Variants in CCDC25 observed in about 807,000 individuals in gnomAD.
The protein encoded by CCDC25 is coiled-coil domain-containing protein 25.
Under a neutral mutation model 35.3 loss-of-function variants are expected in CCDC25, and 16 were observed. The observed-to-expected ratio is 0.45, with a 90% CI of 0.31 to 0.69. The LOEUF is 0.69. Among genes scored for constraint, CCDC25 ranks in the 30% least tolerant of loss-of-function variants. The pLI is 0.06. For synonymous variants in CCDC25, 79 were observed against 80.3 expected (o/e 0.98, Z 0.09); for missense variants, 179 against 250.7 (o/e 0.71, Z 1.93).
At chr8:27,769,654 G>C (rs1804518051) in intron 1 of CCDC25, among the ~76,000 whole-genome samples, 1 of 152,170 alleles carries the variant, frequency 6.6e-6, no homozygotes, top group South Asian at 2.1e-4. Flanking sequence ...CACATGTACA[G>C]AGACAGAGAA....
intron 5 of CCDC25, 73 bp downstream of exon 5, chr8:27,752,439 C>T: frequency 8.8e-7 from 1 of 1,141,150 alleles, no homozygotes; most frequent in Non-Finnish European, 1.3e-6. Flanking sequence ...ACAGCATGCT[C>T]ACTAAAATGT....
intron 8 of CCDC25, among the ~76,000 whole-genome samples, chr8:27,739,309 A>C (rs1232452078): frequency 6.6e-6 from 1 of 152,210 alleles, no homozygotes; most frequent in East Asian, 1.9e-4. Context: ...GGGAATAAGA[A>C]TGTTGTTCTT....
intron 8 of CCDC25, among the ~76,000 whole-genome samples, 180 bp downstream of exon 8, chr8:27,740,292 G>C (rs1010877115): frequency 6.6e-6 from 1 of 152,152 alleles, no homozygotes; most frequent in African/African-American, 2.4e-5. Flanking sequence ...ACACAAATGA[G>C]AAAGTCCACA....
intron 7 of CCDC25, among the ~76,000 whole-genome samples, chr8:27,743,418 C>A (rs1032476271): frequency 6.6e-6 from 1 of 152,258 alleles, no homozygotes; most frequent in Non-Finnish European, 1.5e-5. Context: ...CAGCAAGGGC[C>A]TGCATGGACT....
Position 27,758,083 on chromosome 8 carries a change from C to T in CCDC25, c.117-1313G>A, listed in dbSNP as rs565019183. Among the ~76,000 whole-genome samples, 4 of 152,282 alleles carry T rather than the reference C, an allele frequency of 2.6e-5. No individual in the cohort carries two copies. The South Asian group carries it at 8.3e-4, about 32-fold the overall frequency. The stretch of plus-strand genomic sequence containing the variant: ...GAGCCAATTAAACCTCTTTTCTTTA[C>T]AAATTACCCAGTCTCAGGTATTTCT... On this transcript the variant is annotated intron_variant, in intron 3 of 8. Coordinates refer to ENST00000356537, the MANE Select transcript of CCDC25 (RefSeq NM_018246.3).
intron 3 of CCDC25, among the ~76,000 whole-genome samples, chr8:27,759,910 T>TTCAACAGCTCCACAAAGAGGTAATGAAC (rs1804166043): frequency 6.6e-6 from 1 of 151,724 alleles, no homozygotes; most frequent in Non-Finnish European, 1.5e-5. Context: ...AGGTAATGAA[T>TTCAACAGCTCCACAAAGAGGTAATGAAC]GATTCAACAG....
chr8:27,765,096 G>A, intron 2 of CCDC25, 108 bp downstream of exon 2: 1 of 974,278 alleles, frequency 1.0e-6, no homozygotes, highest in South Asian at 1.5e-5. Flanking sequence ...TATCAAAGTA[G>A]GTGAAAACTC....
chr8:27,757,666 T>C (rs1804060428), intron 3 of CCDC25, among the ~76,000 whole-genome samples: 1 of 152,206 alleles, frequency 6.6e-6, no homozygotes, highest in Non-Finnish European at 1.5e-5. Flanking sequence ...TACCCAGAAA[T>C]GCCCCCTCCG....
At chr8:27,764,710 T>C (rs1237796022) in intron 2 of CCDC25, among the ~76,000 whole-genome samples, 1 of 152,200 alleles carries the variant, frequency 6.6e-6, no homozygotes, top group Non-Finnish European at 1.5e-5. Flanking sequence ...ATTCCTACAA[T>C]AGACATTCAA....
At position 27,763,512 on chromosome 8, in the gene CCDC25, GT is replaced by G. The variant is rs1217013698; in HGVS notation, c.77-1055del. On this transcript the variant is annotated intron_variant, in intron 2 of 8. Coordinates refer to ENST00000356537, the MANE Select transcript of CCDC25 (RefSeq NM_018246.3). ...GCGAGCAGATCACCTGAGGTCAGGA[GT>G]TTGAGACCAGCTTGGCCAACATGGT... Among the ~76,000 whole-genome samples, 4 of 152,332 alleles carry G rather than the reference GT, an allele frequency of 2.6e-5. No homozygotes were observed. The East Asian group carries it at 5.8e-4, about 22-fold the overall frequency.
At chr8:27,743,984 C>A (rs1803522721) in intron 7 of CCDC25, among the ~76,000 whole-genome samples, 1 of 152,064 alleles carries the variant, frequency 6.6e-6, no homozygotes, top group Non-Finnish European at 1.5e-5. Flanking sequence ...GAAAGGGGGA[C>A]TAATTAAACT....
chr8:27,768,346 C>T (rs1398888184), intron 1 of CCDC25, among the ~76,000 whole-genome samples: 2 of 152,120 alleles, frequency 1.3e-5, no homozygotes, highest in East Asian at 3.8e-4. Flanking sequence ...GGGAGGATCA[C>T]TTGAGGCCAG....
chr8:27,771,096 CT>C (rs1012077697), intron 1 of CCDC25, among the ~76,000 whole-genome samples: 1 of 152,194 alleles, frequency 6.6e-6, no homozygotes, highest in African/African-American at 2.4e-5. Context: ...TCACTATTGC[CT>C]GATGACCTGG....
chr8:27,751,132 T>C (rs945533303), intron 5 of CCDC25, among the ~76,000 whole-genome samples: 1 of 152,176 alleles, frequency 6.6e-6, no homozygotes, highest in African/African-American at 2.4e-5. Context: ...TAGTAAACTA[T>C]GAAGAGATTA....
chr8:27,744,939 G>A (rs1048053580), intron 7 of CCDC25, among the ~76,000 whole-genome samples: 1 of 152,116 alleles, frequency 6.6e-6, no homozygotes, highest in Non-Finnish European at 1.5e-5. Flanking sequence ...CCTGGGTCTT[G>A]TACTTCTCTC....
intron 1 of CCDC25, among the ~76,000 whole-genome samples, chr8:27,771,516 G>T (rs964859996): frequency 2.0e-5 from 3 of 151,430 alleles, no homozygotes; most frequent in African/African-American, 7.3e-5. Context: ...AGGTGACTCT[G>T]CTCTCTCTCT....
At chr8:27,740,542 A>G (rs1419919752) in intron 7 of CCDC25, 25 bp from the exon 8 acceptor site, 1 of 1,596,000 alleles carries the variant, frequency 6.3e-7, no homozygotes, top group Admixed American at 1.7e-5. Flanking sequence ...ACACACACAC[A>G]CATTTAAAAT....
chr8:27,745,261 G>C (rs991537155), intron 7 of CCDC25, among the ~76,000 whole-genome samples: 1 of 152,162 alleles, frequency 6.6e-6, no homozygotes. Context: ...CTCCCAAAGT[G>C]CTGGGATTAC....
At chr8:27,770,705 C>G (rs1804572131) in intron 1 of CCDC25, among the ~76,000 whole-genome samples, 1 of 149,160 alleles carries the variant, frequency 6.7e-6, no homozygotes, top group Admixed American at 6.7e-5. Flanking sequence ...TGCCATTGCA[C>G]TCCAGCCTGG....
Sources: allele counts gnomAD v4.1 joint callset (sites outside exome capture counted in the v4.1 genomes callset), GRCh38; gene constraint gnomAD v4.1.1; transcripts MANE v1.5; gene names NCBI Gene and HGNC (gene_info 2026-07-23, HGNC 2026-07-21).